SCN2A: variants seen among roughly 807,000 people sequenced by gnomAD.
The protein encoded by SCN2A is sodium channel protein type 2 subunit alpha.
Under a neutral mutation model 188.7 loss-of-function variants are expected in SCN2A, and 20 were observed. The ratio of observed to expected loss-of-function variants is 0.11; its 90% CI spans 0.07 to 0.15. The LOEUF (loss-of-function observed/expected upper bound fraction) is 0.15, where lower values mean the gene tolerates loss of function less well. Ranked by LOEUF, SCN2A falls within the 10% of genes least tolerant of loss-of-function variation. The probability of loss-of-function intolerance (pLI) is 1.00; values close to 1 mark genes in which losing one functional copy is unlikely to be tolerated. For synonymous variants in SCN2A, 804 were observed against 833.1 expected (o/e 0.97, Z 0.60); for missense variants, 1,278 against 2,445.0 (o/e 0.52, Z 10.07).
At chr2:165,334,855 G>A (rs905602491) in intron 14 of SCN2A, among the ~76,000 whole-genome samples, 3 of 150,640 alleles carry the variant, frequency 2.0e-5, no homozygotes, top group African/African-American at 7.3e-5. Context: ...CTTGTATTTA[G>A]AAAATCCTAT....
chr2:165,264,308 T>C (rs1694741947), intron 1 of SCN2A, among the ~76,000 whole-genome samples: 1 of 152,044 alleles, frequency 6.6e-6, no homozygotes, highest in African/African-American at 2.4e-5. Flanking sequence ...CATCCACAAG[T>C]CAATAAATGT....
At chr2:165,271,811 A>G (rs1364645564) in intron 1 of SCN2A, 1 of 151,986 alleles carries the variant, frequency 6.6e-6, no homozygotes, top group Non-Finnish European at 1.5e-5. Flanking sequence ...GTAGAATCAT[A>G]AAGCATGTTA....
intron 25 of SCN2A, among the ~76,000 whole-genome samples, chr2:165,385,631 A>G (rs1444646634): frequency 6.6e-6 from 1 of 152,170 alleles, no homozygotes; most frequent in East Asian, 1.9e-4. Context: ...TAAGAAATTA[A>G]TCTTGATATA....
At chr2:165,265,469 A>ATCTCTCTCTC (rs754966737) in intron 1 of SCN2A, among the ~76,000 whole-genome samples, 942 of 65,246 alleles carry the variant, frequency 0.014, 18 homozygotes, top group East Asian at 0.028. Flanking sequence ...TACTCTGTTG[A>ATCTCTCTCTC]TCTATATATA....
rs375747116 is a variant in SCN2A, at chr2:165,384,861, T to C, written c.4552-1885T>C. Among the ~76,000 whole-genome samples, 4 of 152,010 alleles carry C rather than the reference T, an allele frequency of 2.6e-5. No individual in the cohort carries two copies. The East Asian group carries it at 5.8e-4, about 22-fold the overall frequency. ...TAGACAGATAAACTATGTAAAATGA[T>C]ACAGTAGAACCTGCCTAAGCTTCTA... On this transcript the variant is annotated intron_variant, in intron 25 of 26. Coordinates refer to ENST00000375437, the MANE Select transcript of SCN2A (RefSeq NM_001040142.2).
chr2:165,268,124 A>G (rs1158720678), intron 1 of SCN2A: 1 of 152,016 alleles, frequency 6.6e-6, no homozygotes, highest in Admixed American at 6.6e-5. Context: ...AAGAATTGGT[A>G]CCAACCCTAC....
chr2:165,368,445 G>T (rs1333142776), intron 19 of SCN2A, among the ~76,000 whole-genome samples: 1 of 152,106 alleles, frequency 6.6e-6, no homozygotes, highest in Non-Finnish European at 1.5e-5. Context: ...TGAGGGTGGA[G>T]CCCTCGCCAG....
intron 1 of SCN2A, chr2:165,267,989 A>G (rs1233128802): frequency 1.3e-5 from 2 of 152,026 alleles, no homozygotes; most frequent in Non-Finnish European, 2.9e-5. Flanking sequence ...AGTGTTGTAC[A>G]CTGTTGGTGG....
At chr2:165,265,471 C>CTCTATATATATATATA (rs1380825419) in intron 1 of SCN2A, among the ~76,000 whole-genome samples, 2 of 29,022 alleles carry the variant, frequency 6.9e-5, no homozygotes, top group African/African-American at 2.5e-4. Context: ...CTCTGTTGAT[C>CTCTATATATATATATA]TATATATATA....
At chr2:165,380,533 A>G (rs1701547345) in intron 23 of SCN2A, 59 bp from the exon 24 acceptor site, 2 of 1,255,010 alleles carry the variant, frequency 1.6e-6, no homozygotes, top group Non-Finnish European at 2.3e-6. Flanking sequence ...AAACTCACTG[A>G]TGTACTTTTT....
intron 14 of SCN2A, among the ~76,000 whole-genome samples, chr2:165,340,260 A>G (rs1442743045): frequency 1.3e-5 from 2 of 152,238 alleles, no homozygotes; most frequent in Non-Finnish European, 2.9e-5. Flanking sequence ...AAAAAGTGCT[A>G]TCTATTATTT....
intron 14 of SCN2A, among the ~76,000 whole-genome samples, chr2:165,334,377 A>G (rs1005468762): frequency 6.6e-6 from 1 of 151,828 alleles, no homozygotes; most frequent in African/African-American, 2.4e-5. Flanking sequence ...AGGCACAACA[A>G]TCCTCAACAA....
chr2:165,373,510 G>C (rs1486315278), intron 21 of SCN2A, among the ~76,000 whole-genome samples, 163 bp downstream of exon 21: 7 of 152,034 alleles, frequency 4.6e-5, no homozygotes, highest in Admixed American at 4.6e-4. Flanking sequence ...ATAATACTTG[G>C]CACTGCTGGA....
intron 1 of SCN2A, among the ~76,000 whole-genome samples, chr2:165,261,888 G>A (rs1694611744): frequency 6.6e-6 from 1 of 152,126 alleles, no homozygotes; most frequent in Admixed American, 6.5e-5. Flanking sequence ...CAATGAAAAT[G>A]GCTTTTGAGT....
intron 1 of SCN2A, among the ~76,000 whole-genome samples, chr2:165,243,432 G>T (rs1693706862): frequency 6.6e-6 from 1 of 151,794 alleles, no homozygotes; most frequent in Admixed American, 6.6e-5. Context: ...CTGAAACCCT[G>T]TCTCTACTAA....
Position 165,388,625 on chromosome 2 carries a change from A to G in SCN2A, c.4823-4A>G, listed in dbSNP as rs896064379. The G allele has an allele frequency of 1.9e-6, 3 of 1,613,606 alleles. No homozygotes were observed. Among genetic ancestry groups the G allele is most frequent in the Non-Finnish European group, 2.5e-6 (3 of 1,179,774 alleles). The stretch of plus-strand genomic sequence containing the variant: ...TATTTTTGTTATTTGTTGATTTTCT[A>G]CAGGAATGTTTCTGGCTGAACTGAT... On this transcript the variant is annotated splice_region_variant and splice_polypyrimidine_tract_variant and intron_variant, in intron 26 of 26. Coordinates refer to ENST00000375437, the MANE Select transcript of SCN2A (RefSeq NM_001040142.2).
At position 165,352,035 on chromosome 2, in the gene SCN2A, G is replaced by A. The variant is rs769828867; in HGVS notation, c.2920-2157G>A. On this transcript the variant is annotated intron_variant, in intron 16 of 26. Coordinates refer to ENST00000375437, the MANE Select transcript of SCN2A (RefSeq NM_001040142.2). ...TACAGAGGCAATATAATTGGCTCCC[G>A]CCCTGGGGAAGGATTGATGGATGTG... Among the ~76,000 whole-genome samples, 54 of 151,976 alleles carry A rather than the reference G, an allele frequency of 3.6e-4. 1 individual carries two copies. Among genetic ancestry groups the A allele is most frequent in the South Asian group, 3.1e-3 (15 of 4,822 alleles).
chr2:165,344,830 C>T lies in SCN2A; in HGVS notation c.2838C>T (p.Thr946=), dbSNP rs777944503. The T allele has an allele frequency of 3.1e-6, 5 of 1,614,022 alleles. No individual in the cohort carries two copies. The South Asian group carries it at 5.5e-5, about 18-fold the overall frequency. Residue 946 remains threonine, a synonymous_variant, in exon 16 of 27, where the codon ACC becomes ACT. Transcript: ENST00000375437. ...FRVLCGEWIE[T]MWDCMEVAGQ... is the part of the protein sequence containing the mutation. The stretch of plus-strand genomic sequence containing the variant: ...TGCTGTGTGGAGAGTGGATAGAGAC[C>T]ATGTGGGACTGTATGGAGGTCGCTG...
chr2:165,353,284 A>G (rs1220707885), intron 16 of SCN2A, among the ~76,000 whole-genome samples: 3 of 152,182 alleles, frequency 2.0e-5, no homozygotes, highest in Non-Finnish European at 4.4e-5. Context: ...AATTGTCTTA[A>G]TAAAAATTGG....
Sources: allele counts gnomAD v4.1 joint callset (sites outside exome capture counted in the v4.1 genomes callset), GRCh38; gene constraint gnomAD v4.1.1; transcripts MANE v1.5; gene names NCBI Gene and HGNC (gene_info 2026-07-23, HGNC 2026-07-21).